The following STARD9 variants were observed in gnomAD, a reference collection of about 807,000 sequenced individuals.
The protein encoded by STARD9 is StAR related lipid transfer domain containing 9.
STARD9 carries 346 observed loss-of-function variants against 399.8 expected under a neutral mutation model. The observed-to-expected ratio is 0.87, with a 90% CI of 0.79 to 0.95. The LOEUF is 0.95. STARD9 is among the 40% of genes least tolerant of loss of function. The pLI, the probability that STARD9 is intolerant of heterozygous loss-of-function variation, is 0.00. For missense variants in STARD9, 5,832 were observed against 5,667.5 expected, an observed-to-expected ratio of 1.03 and a Z score of -0.93; for synonymous variants, 2,203 against 2,143.5, an observed-to-expected ratio of 1.03 and a Z score of -0.77.
At chr15:42,629,247 T>C (rs1233841709) in intron 3 of STARD9, among the ~76,000 whole-genome samples, 2 of 152,140 alleles carry the variant, frequency 1.3e-5, no homozygotes, top group East Asian at 3.8e-4. Flanking sequence ...ATTCAACTCT[T>C]GCACTCAAGG....
At position 42,663,815 on chromosome 15, in the gene STARD9, C is replaced by T; in HGVS notation, c.1079-5C>T. 2.6e-6 allele frequency: 4 copies of T among 1,533,318 alleles called. No individual in the cohort carries two copies. The highest frequency in any genetic ancestry group is 2.6e-6 in the Non-Finnish European group (3 of 1,143,362). The allele number at this position is 1,533,318 out of a possible 1,614,324, so 95.0% of individuals were successfully genotyped here. On this transcript the variant is annotated splice_region_variant and splice_polypyrimidine_tract_variant and intron_variant, in intron 12 of 32. Transcript: ENST00000290607. ...ATGTTTTTAAACTTTCTCCTTCTAC[C>T]TCAGCGGTGTCTCCTGCACACACTA... is the stretch of plus-strand genomic sequence containing the variant.
Position 42,687,358 on chromosome 15 carries a change from T to C in STARD9, c.5780T>C (p.Leu1927Pro). 6.5e-7 allele frequency: 1 copy of C among 1,536,756 alleles called. No homozygotes were observed. Among genetic ancestry groups the C allele is most frequent in the Non-Finnish European group, 8.7e-7 (1 of 1,146,916 alleles). ...GAAGAGCTGGATCAGAATACGGTTC[T>C]GAGGCAGACCATCAATGTAAGCCTT... is the stretch of plus-strand genomic sequence containing the variant. ...EEEELDQNTV[L>P]RQTINVSLEK... Residue 1927 changes from leucine (L) to proline (P), a missense_variant, in exon 23 of 33, where the codon CTG becomes CCG. By Grantham distance (98) the Leu-to-Pro change is moderately conservative. This residue lies in a region of STARD9 where 5,828 missense variants were observed against 5,651.1 expected (regional missense o/e 1.03). Transcript: ENST00000290607.
rs1468639215 is a variant in STARD9, at chr15:42,638,008, A to T, written c.385-18A>T. The T allele has an allele frequency of 3.9e-6, 6 of 1,536,912 alleles. No individual in the cohort carries two copies. The highest frequency in any genetic ancestry group is 5.2e-6 in the Non-Finnish European group (6 of 1,146,876). On this transcript the variant is annotated intron_variant, in intron 5 of 32. Coordinates refer to ENST00000290607, the MANE Select transcript of STARD9 (RefSeq NM_020759.3). ...CTACAATTCCTACAATGAAACCCCA[A>T]CCCTCTGGTTTGTGCAGGGTCTCTT...
intron 3 of STARD9, among the ~76,000 whole-genome samples, chr15:42,626,263 C>T (rs2059208128): frequency 6.7e-6 from 1 of 149,740 alleles, no homozygotes; most frequent in African/African-American, 2.4e-5. Context: ...TCTTCCTCTT[C>T]CTCTTCCTCC....
At chr15:42,651,637 T>G (rs2059764736) in intron 8 of STARD9, among the ~76,000 whole-genome samples, 1 of 151,000 alleles carries the variant, frequency 6.6e-6, no homozygotes, top group South Asian at 2.1e-4. Flanking sequence ...TAAAAAAGGC[T>G]TTTTTTTTCT....
intron 4 of STARD9, 110 bp from the exon 5 acceptor site, chr15:42,637,797 C>A: frequency 2.6e-6 from 3 of 1,133,292 alleles, no homozygotes; most frequent in Non-Finnish European, 3.8e-6. Context: ...GAGGCTAGCA[C>A]AAGGAGTCCA....
intron 32 of STARD9, 55 bp from the exon 33 acceptor site, chr15:42,719,418 C>A: frequency 8.5e-7 from 1 of 1,178,958 alleles, no homozygotes; most frequent in Admixed American, 2.0e-5. Context: ...CTGGAGTACG[C>A]CTGGCATTCT....
chr15:42,589,463 A>G lies in STARD9; in HGVS notation c.234+3826A>G, dbSNP rs184321765. On this transcript the variant is annotated intron_variant, in intron 3 of 32. Coordinates refer to ENST00000290607, the MANE Select transcript of STARD9 (RefSeq NM_020759.3). Reference sequence around the variant, plus strand: ...ATTGCTTCATGCTCTTTTATAGTCTATTTCCCCAGGCCCTCACAATTACTG... The same window carrying G: ...ATTGCTTCATGCTCTTTTATAGTCTGTTTCCCCAGGCCCTCACAATTACTG... Among the ~76,000 whole-genome samples the G allele has an allele frequency of 1.0e-3, 155 of 152,176 alleles. 3 individuals carry two copies. In the East Asian group the frequency reaches 0.02, roughly 20 times the overall value.
At chr15:42,595,562 T>C (rs1433843260) in intron 3 of STARD9, among the ~76,000 whole-genome samples, 1 of 152,208 alleles carries the variant, frequency 6.6e-6, no homozygotes, top group Non-Finnish European at 1.5e-5. Flanking sequence ...CCTCATAATT[T>C]GCCTAAGTTA....
At chr15:42,619,576 A>G (rs1311308404) in intron 3 of STARD9, among the ~76,000 whole-genome samples, 1 of 151,988 alleles carries the variant, frequency 6.6e-6, no homozygotes, top group Non-Finnish European at 1.5e-5. Context: ...AATTCTCGTA[A>G]GGAACATGCA....
At chr15:42,681,661 T>C in intron 21 of STARD9, 49 bp downstream of exon 21, 8 of 1,436,482 alleles carry the variant, frequency 5.6e-6, no homozygotes, top group Non-Finnish European at 7.4e-6. Flanking sequence ...TATTCTTTCA[T>C]TTTCATGCTT....
At chr15:42,636,059 G>A (rs1336185402) in intron 4 of STARD9, among the ~76,000 whole-genome samples, 1 of 152,166 alleles carries the variant, frequency 6.6e-6, no homozygotes, top group Non-Finnish European at 1.5e-5. Flanking sequence ...ACTTTGGGGT[G>A]GCTGAGGCAG....
In STARD9 at chr15:42,575,821, TCCGCGTCTC is replaced by T. The variant is rs757672270; in HGVS notation, c.47+62_47+70del. The T allele has an allele frequency of 4.0e-4, 599 of 1,488,928 alleles. 1 individual carries two copies. The highest frequency in any genetic ancestry group is 5.1e-4 in the Non-Finnish European group (562 of 1,103,980). The allele number at this position is 1,488,928 out of a possible 1,614,324, so 92.2% of individuals were successfully genotyped here. ...CACAGGAGCTGAAAAGAGCGGGAGG[TCCGCGTCTC>T]CCCCTGCAGAGATTCTGGCGCGCAG... is the stretch of plus-strand genomic sequence containing the variant. On this transcript the variant is annotated intron_variant, in intron 1 of 32. Transcript: ENST00000290607.
chr15:42,695,161 G>A lies in STARD9; in HGVS notation c.12984G>A (p.Arg4328=), dbSNP rs1198239379. ...TCAGGAGCCCAGAGTCAGTGTCAAG[G>A]TCAGCTCACACACCCTCTGACATAG... is the stretch of plus-strand genomic sequence containing the variant. The part of the protein sequence containing the change: ...ETTRSPESVS[R]SAHTPSDIEL... The change falls in exon 25 of 33, where the codon AGG becomes AGA. Residue 4328 remains arginine (R), a synonymous_variant. Transcript: ENST00000290607. 3 of 1,534,438 alleles carry A rather than the reference G, an allele frequency of 2.0e-6. No individual in the cohort carries two copies. The highest frequency in any genetic ancestry group is 2.6e-6 in the Non-Finnish European group (3 of 1,145,154).
At position 42,690,004 on chromosome 15, in the gene STARD9, C is replaced by A. The variant is rs746934190; in HGVS notation, c.8426C>A (p.Thr2809Lys). 28 of 1,537,248 alleles carry A rather than the reference C, an allele frequency of 1.8e-5. No homozygotes were observed. Among genetic ancestry groups the A allele is most frequent in the Non-Finnish European group, 4.4e-6 (5 of 1,146,966 alleles). ...TTAGTGACTGCACAGGGAGAAAAAA[C>A]AGCCCATTTTGAAAGTCAGTCTGTG... ...NLLVTAQGEK[T>K]AHFESQSVTC... Residue 2809 changes from threonine to lysine, a missense_variant, in exon 23 of 33, where the codon ACA becomes AAA. Physicochemically the swap from Thr to Lys is moderately conservative, Grantham distance 78. This residue lies in a region of STARD9 where 5,828 missense variants were observed against 5,651.1 expected (regional missense o/e 1.03). Transcript: ENST00000290607.
intron 15 of STARD9, among the ~76,000 whole-genome samples, chr15:42,667,125 T>C (rs541742579): frequency 3.2e-4 from 48 of 151,854 alleles, no homozygotes; most frequent in African/African-American, 1.1e-3. Flanking sequence ...CCCAGAGATA[T>C]TTAAAAGGAA....
chr15:42,578,255 C>T (rs1031997311), intron 1 of STARD9, among the ~76,000 whole-genome samples: 10 of 152,012 alleles, frequency 6.6e-5, no homozygotes, highest in Non-Finnish European at 1.2e-4. Context: ...GGATTATAGG[C>T]GCCTGCCACC....
intron 32 of STARD9, 42 bp downstream of exon 32, chr15:42,718,952 T>G (rs1165529265): frequency 1.3e-6 from 2 of 1,521,018 alleles, no homozygotes; most frequent in African/African-American, 2.7e-5. Flanking sequence ...ACAGGCTGAC[T>G]TGGTCCCACA....
At chr15:42,637,132 G>A (rs1447907354) in intron 4 of STARD9, among the ~76,000 whole-genome samples, 1 of 151,016 alleles carries the variant, frequency 6.6e-6, no homozygotes, top group African/African-American at 2.4e-5. Flanking sequence ...GCCCTTAACC[G>A]AGTACAAGTT....
Sources: gnomAD v4.1 joint callset for allele counts (sites outside exome capture counted in the v4.1 genomes callset) on GRCh38, gnomAD v4.1.1 for gene constraint, gnomAD v4.1.1 regional missense constraint, MANE v1.5 for transcripts, NCBI Gene and HGNC (gene_info 2026-07-23, HGNC 2026-07-21) for gene names.